The following FAAH2 variants were observed in gnomAD, a reference collection of about 807,000 sequenced individuals.
FAAH2 encodes the protein fatty acid amide hydrolase 2.
Under a neutral mutation model 36.9 loss-of-function variants are expected in FAAH2, and 60 were observed. The ratio of observed to expected loss-of-function variants is 1.63; its 90% CI spans 1.32 to 2.02. The LOEUF (loss-of-function observed/expected upper bound fraction) is 2.02. FAAH2 is among the 30% of genes most tolerant of loss of function. FAAH2 has a pLI of 0.00. For synonymous variants in FAAH2, 214 were observed against 143.8 expected (o/e 1.49, Z -3.49); for missense variants, 689 against 397.5 (o/e 1.73, Z -6.23).
chrX:57,131,389 C>T, the FAAH2 span, among the ~76,000 whole-genome samples: 1 of 111,795 alleles, frequency 8.9e-6, no homozygotes, highest in East Asian at 2.8e-4. Context: ...CCGGCCGGGT[C>T]TATTTCTTTT....
chrX:57,427,531 A>G (rs755187938), intron 7 of FAAH2, among the ~76,000 whole-genome samples: 2 of 111,738 alleles, frequency 1.8e-5, no homozygotes, highest in African/African-American at 6.5e-5. Context: ...ACTGAATCCA[A>G]CACCACATCA....
upstream of FAAH2, among the ~76,000 whole-genome samples, chrX:57,285,098 A>G (rs993921477): frequency 2.7e-5 from 3 of 112,443 alleles, no homozygotes; most frequent in African/African-American, 9.7e-5. Context: ...ACTGTAATGG[A>G]GCCTAGATTA....
intron 10 of FAAH2, among the ~76,000 whole-genome samples, chrX:57,484,813 C>T (rs910454089): frequency 5.4e-5 from 6 of 110,929 alleles, no homozygotes; most frequent in African/African-American, 2.0e-4. Flanking sequence ...AGGTAGCTCA[C>T]CAGTCTCCAG....
At chrX:57,202,866 C>T in the FAAH2 span, among the ~76,000 whole-genome samples, 1 of 111,809 alleles carries the variant, frequency 8.9e-6, no homozygotes, top group Non-Finnish European at 1.9e-5. Flanking sequence ...CAGTTTTTGC[C>T]ACTTCTCCCT....
upstream of FAAH2, among the ~76,000 whole-genome samples, chrX:57,283,621 C>G (rs1020230628): frequency 9.0e-6 from 1 of 111,005 alleles, no homozygotes; most frequent in African/African-American, 3.3e-5. Context: ...AAGGGTGGGA[C>G]GTCTGTGTAG....
At chrX:57,301,308 T>TGAA (rs1342454232) in intron 2 of FAAH2, among the ~76,000 whole-genome samples, 2 of 110,417 alleles carry the variant, frequency 1.8e-5, no homozygotes, top group African/African-American at 6.6e-5. Context: ...TCATTTCCTT[T>TGAA]GTAGGGACAT....
intron 8 of FAAH2, among the ~76,000 whole-genome samples, chrX:57,444,006 T>C (rs1161317588): frequency 3.6e-5 from 4 of 112,004 alleles, no homozygotes; most frequent in Non-Finnish European, 5.6e-5. Context: ...CTCTGTAAGA[T>C]GTCAGTCAGC....
At chrX:57,230,196 C>T in the FAAH2 span, among the ~76,000 whole-genome samples, 41 of 112,024 alleles carry the variant, frequency 3.7e-4, no homozygotes, top group African/African-American at 1.3e-3. Flanking sequence ...AAACTTCTGA[C>T]CCATCAACAG....
chrX:57,433,190 T>A (rs986322134), intron 8 of FAAH2, among the ~76,000 whole-genome samples: 1 of 111,557 alleles, frequency 9.0e-6, no homozygotes, highest in Non-Finnish European at 1.9e-5. Context: ...CACTGTCTTA[T>A]AATTTGGATA....
chrX:57,313,158 CG>C (rs1485171747), intron 3 of FAAH2, among the ~76,000 whole-genome samples: 5 of 12,520 alleles, frequency 4.0e-4, no homozygotes, highest in Non-Finnish European at 9.4e-3. Context: ...GCTTGAATAC[CG>C]TTTTTTTCAA....
the FAAH2 span, among the ~76,000 whole-genome samples, chrX:57,236,436 A>C: frequency 8.9e-6 from 1 of 112,393 alleles, no homozygotes. Flanking sequence ...CATAATGGCC[A>C]GGCTAGTCTA....
At chrX:57,295,058 A>G (rs1321941821) in intron 2 of FAAH2, among the ~76,000 whole-genome samples, 1 of 112,142 alleles carries the variant, frequency 8.9e-6, no homozygotes, top group East Asian at 2.8e-4. Context: ...TAGGAGCTCA[A>G]AGGAAATGCC....
At chrX:57,257,591 T>C in the FAAH2 span, among the ~76,000 whole-genome samples, 1 of 110,299 alleles carries the variant, frequency 9.1e-6, no homozygotes, top group Non-Finnish European at 1.9e-5. Context: ...ATACCTAATG[T>C]AGTGACGGGT....
chrX:57,406,050 T>C (rs972499338), intron 7 of FAAH2, among the ~76,000 whole-genome samples: 8 of 110,213 alleles, frequency 7.3e-5, no homozygotes, highest in African/African-American at 2.3e-4. Flanking sequence ...CTTGCACTGG[T>C]TCCTTCTCAT....
intron 10 of FAAH2, among the ~76,000 whole-genome samples, chrX:57,485,002 G>A (rs993250922): frequency 8.9e-6 from 1 of 111,749 alleles, no homozygotes; most frequent in African/African-American, 3.3e-5. Context: ...CCTGAGGGTG[G>A]ATAACTGGCC....
intron 5 of FAAH2, among the ~76,000 whole-genome samples, chrX:57,342,343 GAAC>G (rs2053708669): frequency 9.0e-6 from 1 of 111,307 alleles, no homozygotes; most frequent in Admixed American, 9.6e-5. Flanking sequence ...ACATAGAGGG[GAAC>G]AACAAACACT....
intron 7 of FAAH2, chrX:57,393,360 C>A: frequency 8.0e-6 from 6 of 746,431 alleles, no homozygotes; most frequent in Non-Finnish European, 1.3e-5. Flanking sequence ...GCAACAAGCA[C>A]CACCACGTGA....
At chrX:57,172,546 C>T in the FAAH2 span, among the ~76,000 whole-genome samples, 1 of 112,377 alleles carries the variant, frequency 8.9e-6, no homozygotes, top group Non-Finnish European at 1.9e-5. Context: ...GACCCACTAC[C>T]TTATCACAAG....
At chrX:57,370,045 C>T (rs1052071874) in intron 5 of FAAH2, among the ~76,000 whole-genome samples, 2 of 110,835 alleles carry the variant, frequency 1.8e-5, no homozygotes, top group Non-Finnish European at 3.8e-5. Flanking sequence ...TAGCCACTAA[C>T]AGCAAATTAC....
Sources: allele counts gnomAD v4.1 joint callset (sites outside exome capture counted in the v4.1 genomes callset), GRCh38; gene constraint gnomAD v4.1.1; transcripts MANE v1.5; gene names NCBI Gene and HGNC (gene_info 2026-07-23, HGNC 2026-07-21).